IKZF1: variants seen among roughly 807,000 people sequenced by gnomAD.
The protein encoded by IKZF1 is IKAROS family zinc finger 1.
IKZF1 carries 10 observed loss-of-function variants against 51.7 expected under a neutral mutation model. The ratio of observed to expected loss-of-function variants is 0.19; its 90% CI spans 0.12 to 0.33. IKZF1 has a LOEUF of 0.33. IKZF1 is among the 10% of genes least tolerant of loss of function. The pLI is 1.00. For synonymous variants in IKZF1, 280 were observed against 282.3 expected (o/e 0.99, Z 0.08); for missense variants, 484 against 707.5 (o/e 0.68, Z 3.58).
intron 2 of IKZF1, among the ~76,000 whole-genome samples, chr7:50,321,610 G>A (rs1041948234): frequency 7.2e-5 from 11 of 152,136 alleles, no homozygotes; most frequent in Non-Finnish European, 1.6e-4. Context: ...TGCATTTAAA[G>A]AAAATGAGAC....
At chr7:50,304,563 G>A (rs1360979072), upstream of IKZF1, 2 of 151,134 alleles carry the variant, frequency 1.3e-5, no homozygotes, top group African/African-American at 2.4e-5. Flanking sequence ...TGTGCGCGCG[G>A]GGCAGCCGGT....
chr7:50,388,018 A>G (rs2153489973), intron 6 of IKZF1, among the ~76,000 whole-genome samples: 1 of 152,240 alleles, frequency 6.6e-6, no homozygotes, highest in African/African-American at 2.4e-5. Context: ...GAAGGATGAG[A>G]GGAAAGGTCG....
rs979554673 is a variant in IKZF1 at position 50,311,838 on chromosome 7, CTTACTG to C, written c.-15+6920_-15+6925del. Among the ~76,000 whole-genome samples the C allele has an allele frequency of 5.6e-4, 85 of 152,132 alleles. 1 individual carries two copies. Among genetic ancestry groups the C allele is most frequent in the African/African-American group, 1.9e-3 (79 of 41,484 alleles). On this transcript the variant is annotated intron_variant, in intron 1 of 7. Transcript: ENST00000331340. ...CCATATGGCCTTGCTGAGGGAAAAA[CTTACTG>C]TTATAAGTTTGTGTTTATCTCTCTT...
At chr7:50,313,933 G>A (rs2153348131) in intron 1 of IKZF1, among the ~76,000 whole-genome samples, 1 of 152,266 alleles carries the variant, frequency 6.6e-6, no homozygotes, top group East Asian at 1.9e-4. Flanking sequence ...AAGCCAGTGA[G>A]TACCAGTATC....
chr7:50,367,795 A>T lies in IKZF1; in HGVS notation c.161-8738A>T, dbSNP rs1316511375. ...CCACTTTATGGGATATAATGCTGTGAGTTGACACCTGAGGGGATTGTGGTC... is the reference window on the plus strand; with the variant it reads ...CCACTTTATGGGATATAATGCTGTGTGTTGACACCTGAGGGGATTGTGGTC... On this transcript the variant is annotated intron_variant, in intron 3 of 7. Coordinates refer to ENST00000331340, the MANE Select transcript of IKZF1 (RefSeq NM_006060.6). 8.6e-5 allele frequency: 47 copies of T among 548,236 alleles called. No homozygotes were observed. In the South Asian group the frequency reaches 9.6e-4, roughly 11 times the overall value. The allele number at this position is 548,236 out of a possible 1,614,324, so 34.0% of individuals were successfully genotyped here. A position where few individuals can be genotyped will look rare whatever the true frequency, so the allele number is the denominator to read the frequency against.
rs1437465946 is a variant in IKZF1 at position 50,400,545 on chromosome 7, A to G, written c.1478A>G (p.Asn493Ser). The change falls in exon 8 of 8, where the codon AAC becomes AGC. Residue 493 changes from asparagine (N) to serine (S), a missense_variant. Asn to Ser is a conservative substitution (Grantham distance 46, BLOSUM62 1). Coordinates refer to ENST00000331340, the MANE Select transcript of IKZF1 (RefSeq NM_006060.6). This position sits in a 1 kb window ranked among gnomAD's most constrained non-coding sequence, Gnocchi z 5.4. ...GGCTTCCGTGATCCTTTTGAGTGCA[A>G]CATGTGCGGCTACCACAGCCAGGAC... ...CHGFRDPFECNMCGYHSQDRY... is the reference protein window; with the variant it reads ...CHGFRDPFECSMCGYHSQDRY... The G allele has an allele frequency of 1.2e-6, 2 of 1,613,890 alleles. No homozygotes were observed.
chr7:50,360,797 G>A (rs1171263676), intron 3 of IKZF1, among the ~76,000 whole-genome samples: 1 of 152,214 alleles, frequency 6.6e-6, no homozygotes, highest in Non-Finnish European at 1.5e-5. Context: ...ATGTGGCAGG[G>A]AACACAGCCA....
chr7:50,325,818 G>A (rs944734387), intron 2 of IKZF1, among the ~76,000 whole-genome samples: 13 of 152,030 alleles, frequency 8.6e-5, no homozygotes, highest in African/African-American at 3.1e-4. Flanking sequence ...AAATAGTAGT[G>A]ACTTAATGCA....
In IKZF1 at chr7:50,321,798, T is replaced by C. The variant is rs370548260; in HGVS notation, c.40+2697T>C. The stretch of plus-strand genomic sequence containing the variant: ...TTCTCCTCTGGTAGTTTTCTTGTCT[T>C]TACCATAATACAAAATAAGTAATTT... On this transcript the variant is annotated intron_variant, in intron 2 of 7. Coordinates refer to ENST00000331340, the MANE Select transcript of IKZF1 (RefSeq NM_006060.6). 1.4e-4 allele frequency among the ~76,000 whole-genome samples: 22 copies of C among 152,158 alleles called. No homozygotes were observed. The East Asian group carries it at 4.2e-3, about 29-fold the overall frequency.
At chr7:50,364,884 G>A (rs950768497) in intron 3 of IKZF1, among the ~76,000 whole-genome samples, 2 of 152,212 alleles carry the variant, frequency 1.3e-5, no homozygotes, top group African/African-American at 4.8e-5. Context: ...TCCCTGAGGG[G>A]GCAGGGCTAA....
chr7:50,400,347 C>T lies in IKZF1; in HGVS notation c.1280C>T (p.Ser427Leu), dbSNP rs2153519052. Residue 427 changes from serine (S) to leucine (L), a missense_variant, in exon 8 of 8, where the codon TCG (serine) becomes TTG (leucine). Physicochemically the swap from Ser to Leu is moderately radical, Grantham distance 145. Transcript: ENST00000331340. This position sits in a 1 kb window ranked among gnomAD's most constrained non-coding sequence, Gnocchi z 5.4. ...HIAPHARNGLSLKEEHRAYDL... is the reference protein window; with the variant it reads ...HIAPHARNGLLLKEEHRAYDL... Reference sequence around the variant, plus strand: ...GCCCCGCACGCGCGCAACGGGCTGTCGCTCAAGGAGGAGCACCGCGCCTAC... The same window carrying T: ...GCCCCGCACGCGCGCAACGGGCTGTTGCTCAAGGAGGAGCACCGCGCCTAC... 1 of 1,612,976 alleles carries T rather than the reference C, an allele frequency of 6.2e-7. No homozygotes were observed. The highest frequency in any genetic ancestry group is 8.5e-7 in the Non-Finnish European group (1 of 1,179,740).
intron 3 of IKZF1, among the ~76,000 whole-genome samples, chr7:50,342,212 C>T (rs1038750188): frequency 1.2e-4 from 18 of 152,280 alleles, no homozygotes; most frequent in Middle Eastern, 6.8e-3. Context: ...TTTTATGTAG[C>T]TGTGTTTTAA....
At chr7:50,387,986 A>G (rs1322631300) in intron 6 of IKZF1, among the ~76,000 whole-genome samples, 1 of 152,148 alleles carries the variant, frequency 6.6e-6, no homozygotes, top group Non-Finnish European at 1.5e-5. Flanking sequence ...AGCCCCTGGT[A>G]GTTGATAATA....
chr7:50,319,170 T>C (rs563528873), intron 2 of IKZF1, 69 bp downstream of exon 2: 2 of 1,289,434 alleles, frequency 1.6e-6, no homozygotes, highest in South Asian at 1.2e-5. Flanking sequence ...GAAGTCACAG[T>C]GCTTGGTATG....
At chr7:50,358,746 A>T (rs1032007274) in intron 3 of IKZF1, among the ~76,000 whole-genome samples, 2 of 152,218 alleles carry the variant, frequency 1.3e-5, no homozygotes, top group African/African-American at 4.8e-5. Flanking sequence ...TTTTTAGGAA[A>T]TAGTGAGACG....
intron 1 of IKZF1, among the ~76,000 whole-genome samples, chr7:50,317,977 C>T (rs558599410): frequency 1.3e-5 from 2 of 152,304 alleles, no homozygotes; most frequent in African/African-American, 4.8e-5. Flanking sequence ...TTAGAGTCAA[C>T]AAATAGACTG....
At chr7:50,315,152 T>C (rs1169153117) in intron 1 of IKZF1, among the ~76,000 whole-genome samples, 1 of 152,126 alleles carries the variant, frequency 6.6e-6, no homozygotes, top group East Asian at 1.9e-4. Context: ...ACTAGGAAAG[T>C]AAGTCCTACT....
chr7:50,381,716 T>TA (rs2153476196), intron 4 of IKZF1, among the ~76,000 whole-genome samples: 1 of 152,348 alleles, frequency 6.6e-6, no homozygotes, highest in South Asian at 2.1e-4. Context: ...TTGTCTTCTA[T>TA]GGATATAGAC....
At chr7:50,396,973 C>A (rs556501543) in intron 7 of IKZF1, among the ~76,000 whole-genome samples, 1 of 152,232 alleles carries the variant, frequency 6.6e-6, no homozygotes, top group South Asian at 2.1e-4. Context: ...CGCAGGGGCT[C>A]ACTTCTCCAT....
Sources: gnomAD v4.1 joint callset for allele counts (sites outside exome capture counted in the v4.1 genomes callset) on GRCh38, gnomAD v4.1.1 for gene constraint, Gnocchi (gnomAD v3.1) non-coding constraint, MANE v1.5 for transcripts, NCBI Gene and HGNC (gene_info 2026-07-23, HGNC 2026-07-21) for gene names.